DTNB: variants seen among roughly 807,000 people sequenced by gnomAD.
DTNB encodes the protein dystrobrevin beta, also known as DTN-B.
DTNB carries 63 observed loss-of-function variants against 90.7 expected under a neutral mutation model. The ratio of observed to expected loss-of-function variants is 0.69; its 90% CI spans 0.57 to 0.86. The LOEUF (loss-of-function observed/expected upper bound fraction) is 0.86, where lower values mean the gene tolerates loss of function less well. Among genes scored for constraint, DTNB ranks in the 40% least tolerant of loss-of-function variants. The pLI, the probability that DTNB is intolerant of heterozygous loss-of-function variation, is 0.00. For synonymous variants in DTNB, 277 were observed against 286.7 expected, an observed-to-expected ratio of 0.97 and a Z score of 0.34; for missense variants, 744 against 807.1, an observed-to-expected ratio of 0.92 and a Z score of 0.95.
chr2:25,482,304 A>G (rs1028813608), intron 10 of DTNB, among the ~76,000 whole-genome samples: 1 of 152,196 alleles, frequency 6.6e-6, no homozygotes, highest in Non-Finnish European at 1.5e-5. Flanking sequence ...TTGCATAACC[A>G]AAAGAGAGAG....
At chr2:25,526,749 C>T (rs943754767) in intron 9 of DTNB, among the ~76,000 whole-genome samples, 5 of 151,838 alleles carry the variant, frequency 3.3e-5, no homozygotes, top group African/African-American at 1.2e-4. Flanking sequence ...AGAACGTATG[C>T]TAACAAAAAC....
intron 16 of DTNB, among the ~76,000 whole-genome samples, chr2:25,403,154 C>T (rs1160027703): frequency 6.6e-6 from 1 of 152,158 alleles, no homozygotes; most frequent in Non-Finnish European, 1.5e-5. Flanking sequence ...CTTGCTCTGT[C>T]ACCCAGGCTG....
chr2:25,470,532 C>A (rs186126109), intron 10 of DTNB, among the ~76,000 whole-genome samples: 15 of 152,108 alleles, frequency 9.9e-5, no homozygotes, highest in African/African-American at 3.6e-4. Flanking sequence ...TCCACCACCA[C>A]ACCCAGCTAA....
chr2:25,523,385 A>AG (rs2076490443), intron 9 of DTNB, among the ~76,000 whole-genome samples: 2 of 152,216 alleles, frequency 1.3e-5, no homozygotes, highest in African/African-American at 4.8e-5. Context: ...CACGCCTGTT[A>AG]TCTCAGCACT....
intron 1 of DTNB, chr2:25,672,648 G>A (rs1442659598): frequency 1.3e-5 from 2 of 152,048 alleles, no homozygotes; most frequent in African/African-American, 4.8e-5. Context: ...AAGTAAATAG[G>A]GCATGCGACA....
At chr2:25,652,750 A>G in intron 1 of DTNB, 89 bp from the exon 2 acceptor site, 1 of 1,377,170 alleles carries the variant, frequency 7.3e-7, no homozygotes, top group Non-Finnish European at 9.8e-7. Context: ...GGGACCGGAA[A>G]CCAAGTTGCA....
At chr2:25,542,230 TC>T (rs1197936745) in intron 8 of DTNB, among the ~76,000 whole-genome samples, 2 of 152,306 alleles carry the variant, frequency 1.3e-5, no homozygotes, top group Non-Finnish European at 2.9e-5. Context: ...TTCTTCTGCC[TC>T]AGCCTCACCG....
chr2:25,532,245 C>CAAAAA (rs11352371), intron 8 of DTNB, among the ~76,000 whole-genome samples: 4 of 74,286 alleles, frequency 5.4e-5, no homozygotes, highest in East Asian at 3.4e-4. Context: ...AACTCTGTCT[C>CAAAAA]AAAAAAAAAA....
chr2:25,556,952 A>G (rs2057461412), intron 8 of DTNB, among the ~76,000 whole-genome samples: 1 of 152,236 alleles, frequency 6.6e-6, no homozygotes, highest in Non-Finnish European at 1.5e-5. Flanking sequence ...CATAACTGTA[A>G]AAGCTTTCAA....
intron 1 of DTNB, among the ~76,000 whole-genome samples, chr2:25,657,920 T>C (rs1052688868): frequency 3.3e-5 from 5 of 152,036 alleles, no homozygotes; most frequent in Non-Finnish European, 5.9e-5. Flanking sequence ...TAACACTACA[T>C]ACCTACCAGA....
chr2:25,433,839 G>A, intron 13 of DTNB, 71 bp downstream of exon 13: 1 of 1,568,984 alleles, frequency 6.4e-7, no homozygotes, highest in Non-Finnish European at 8.7e-7. Flanking sequence ...TAGTATCCAA[G>A]GAAAATGAGA....
chr2:25,403,963 T>C (rs968977486), intron 16 of DTNB, among the ~76,000 whole-genome samples: 10 of 152,186 alleles, frequency 6.6e-5, no homozygotes, highest in African/African-American at 2.2e-4. Flanking sequence ...CCAGCTGCCA[T>C]TTACTAGCTG....
intron 8 of DTNB, among the ~76,000 whole-genome samples, chr2:25,548,213 T>C (rs1355106057): frequency 1.3e-5 from 2 of 152,178 alleles, no homozygotes; most frequent in South Asian, 2.1e-4. Flanking sequence ...TCTAGGTTCC[T>C]CTATTTTCAA....
chr2:25,590,882 G>A (rs529451394), intron 6 of DTNB, among the ~76,000 whole-genome samples: 118 of 152,344 alleles, frequency 7.7e-4, no homozygotes, highest in African/African-American at 2.6e-3. Flanking sequence ...GGGCCTGTCT[G>A]CCTCCTACTG....
At chr2:25,457,095 C>A (rs377303701) in intron 10 of DTNB, among the ~76,000 whole-genome samples, 1 of 151,962 alleles carries the variant, frequency 6.6e-6, no homozygotes, top group Non-Finnish European at 1.5e-5. Context: ...CTGAAACCTC[C>A]GCCTCCCAAG....
chr2:25,516,726 C>T (rs1157195060), intron 9 of DTNB, among the ~76,000 whole-genome samples: 2 of 151,608 alleles, frequency 1.3e-5, no homozygotes, highest in South Asian at 2.1e-4. Context: ...CCCGTCTCTA[C>T]TAAAAATACA....
At chr2:25,540,487 T>C (rs2080950135) in intron 8 of DTNB, among the ~76,000 whole-genome samples, 1 of 152,098 alleles carries the variant, frequency 6.6e-6, no homozygotes, top group Non-Finnish European at 1.5e-5. Context: ...TTATTATTAT[T>C]ATTATTTTAG....
At chr2:25,577,751 C>T (rs1048352130) in intron 7 of DTNB, among the ~76,000 whole-genome samples, 2 of 152,082 alleles carry the variant, frequency 1.3e-5, no homozygotes, top group African/African-American at 2.4e-5. Context: ...GCCTGTAATC[C>T]TAGCACTTTG....
intron 8 of DTNB, among the ~76,000 whole-genome samples, chr2:25,539,893 T>A (rs572862702): frequency 2.0e-4 from 30 of 152,362 alleles, no homozygotes; most frequent in Admixed American, 2.0e-3. Flanking sequence ...AATGTCTTGA[T>A]AGGCATCAGG....
Sources: allele counts gnomAD v4.1 joint callset (sites outside exome capture counted in the v4.1 genomes callset), GRCh38; gene constraint gnomAD v4.1.1; transcripts MANE v1.5; gene names NCBI Gene and HGNC (gene_info 2026-07-23, HGNC 2026-07-21).